Variants in C13orf42 observed in about 807,000 individuals in gnomAD.
C13orf42 encodes uncharacterized protein C13orf42.
intron 1 of C13orf42, chr13:51,172,137 G>C (rs929690679): frequency 6.6e-6 from 1 of 152,168 alleles, no homozygotes; most frequent in Non-Finnish European, 1.5e-5. Flanking sequence ...ACAGGAGCTT[G>C]CTACACGTGC....
intron 1 of C13orf42, among the ~76,000 whole-genome samples, chr13:51,163,609 A>G (rs1953883205): frequency 6.6e-6 from 1 of 152,082 alleles, no homozygotes; most frequent in African/African-American, 2.4e-5. Context: ...CCTTTAACCC[A>G]CAATAAAGGG....
chr13:51,120,248 T>C (rs536877407), intron 1 of C13orf42, among the ~76,000 whole-genome samples: 1 of 152,326 alleles, frequency 6.6e-6, no homozygotes, highest in South Asian at 2.1e-4. Flanking sequence ...CTATCAGGTA[T>C]GATTATTGTC....
rs995003500 is a variant in C13orf42 at position 51,097,741 on chromosome 13, A to C, written c.415-9666T>G. Among the ~76,000 whole-genome samples the C allele has an allele frequency of 5.3e-5, 8 of 150,864 alleles. No homozygotes were observed. In the South Asian group the frequency reaches 1.7e-3, roughly 32 times the overall value. On this transcript the variant is annotated intron_variant, in intron 1 of 3. Coordinates refer to ENST00000563710, the MANE Select transcript of C13orf42 (RefSeq NM_001351589.3). Reference sequence around the variant, plus strand: ...AGCAAAAGTGGATTGCTTCCCTCCCAATCTTGATTTTTTTTTTTTTCCTAG... The same window carrying C: ...AGCAAAAGTGGATTGCTTCCCTCCCCATCTTGATTTTTTTTTTTTTCCTAG...
chr13:51,115,820 G>A (rs1393509276), upstream of C13orf42, among the ~76,000 whole-genome samples: 2 of 152,258 alleles, frequency 1.3e-5, no homozygotes, highest in African/African-American at 4.8e-5. Context: ...CATTTGCACA[G>A]TGTATTGGAA....
chr13:51,100,568 G>T (rs551993847), intron 1 of C13orf42, among the ~76,000 whole-genome samples: 3 of 152,154 alleles, frequency 2.0e-5, no homozygotes, highest in Middle Eastern at 3.4e-3. Context: ...ATTCTTCAAT[G>T]ACCCTTTGCA....
In C13orf42 at chr13:51,103,091, C is replaced by T. The variant is rs77456658; in HGVS notation, c.414+7705G>A. ...AAGTAACCCCGCCTGAGAAAATGTCCAATGTGAACCATCTGGACTGTGTGG... is the reference window on the plus strand; with the variant it reads ...AAGTAACCCCGCCTGAGAAAATGTCTAATGTGAACCATCTGGACTGTGTGG... On this transcript the variant is annotated intron_variant, in intron 1 of 3. Transcript: ENST00000563710. Among the ~76,000 whole-genome samples, 724 of 152,274 alleles carry T rather than the reference C, an allele frequency of 4.8e-3. 6 individuals are homozygous for T. The highest frequency in any genetic ancestry group is 0.016 in the African/African-American group (664 of 41,542).
rs901929738 is a variant in C13orf42 at position 51,140,664 on chromosome 13, A to T, written n.137-27442T>A. 2.0e-5 allele frequency among the ~76,000 whole-genome samples: 3 copies of T among 152,042 alleles called. No individual in the cohort carries two copies. In the East Asian group the frequency reaches 5.8e-4, roughly 29 times the overall value. ...TTTTGCTGTAAAACTCCTCATTATT[A>T]TTATTATTTTGGAGTTTTACTTGCT... On this transcript the variant is annotated intron_variant and non_coding_transcript_variant, in intron 1 of 4. Coordinates refer to the C13orf42 transcript ENST00000433280.
At chr13:51,150,187 G>T (rs1467664401) in intron 1 of C13orf42, among the ~76,000 whole-genome samples, 2 of 152,220 alleles carry the variant, frequency 1.3e-5, no homozygotes. Context: ...ATTTACTGTG[G>T]TGTCGTTTGT....
chr13:51,113,528 C>T (rs954747506), upstream of C13orf42, among the ~76,000 whole-genome samples: 13 of 152,036 alleles, frequency 8.6e-5, no homozygotes, highest in South Asian at 2.1e-4. Flanking sequence ...CTATAAGAAA[C>T]GGGTGTGAAA....
At chr13:51,168,498 G>A (rs1953918790) in intron 1 of C13orf42, among the ~76,000 whole-genome samples, 1 of 152,192 alleles carries the variant, frequency 6.6e-6, no homozygotes, top group Admixed American at 6.5e-5. Context: ...CTTCTAAGTT[G>A]CCCCATTAAA....
chr13:51,161,346 G>C (rs1347166580), intron 1 of C13orf42, among the ~76,000 whole-genome samples: 1 of 151,920 alleles, frequency 6.6e-6, no homozygotes, highest in Non-Finnish European at 1.5e-5. Context: ...CTTATATGAA[G>C]CATGTCTTTT....
upstream of C13orf42, among the ~76,000 whole-genome samples, chr13:51,115,157 T>C (rs1953477774): frequency 6.6e-6 from 1 of 152,238 alleles, no homozygotes; most frequent in Non-Finnish European, 1.5e-5. Flanking sequence ...TGCCAAGCTA[T>C]TATTCCAGGT....
rs187686083 is a variant in C13orf42, at chr13:51,160,662, C to T, written n.136+11591G>A. On this transcript the variant is annotated intron_variant and non_coding_transcript_variant, in intron 1 of 4. Transcript: ENST00000433280. ...AGGCACTAGAAAGTAGACAATTTCT[C>T]AGTGGTACGAGAAGAGCATCCCTCA... Among the ~76,000 whole-genome samples the T allele has an allele frequency of 1.7e-3, 252 of 152,194 alleles. 1 individual carries two copies. The highest frequency in any genetic ancestry group is 3.6e-3 in the Admixed American group (55 of 15,292).
At chr13:51,157,683 C>T (rs954625918) in intron 1 of C13orf42, among the ~76,000 whole-genome samples, 13 of 152,160 alleles carry the variant, frequency 8.5e-5, no homozygotes, top group African/African-American at 3.1e-4. Flanking sequence ...CACCCCTACA[C>T]ACGCTTGTAC....
chr13:51,130,458 A>G (rs1444735362), intron 1 of C13orf42, among the ~76,000 whole-genome samples: 1 of 152,224 alleles, frequency 6.6e-6, no homozygotes, highest in African/African-American at 2.4e-5. Context: ...GTTTAAAAAG[A>G]GGGATGTTTA....
chr13:51,083,938 A>G lies in C13orf42; in HGVS notation c.*213T>C. 1 of 370,482 alleles carries G rather than the reference A, an allele frequency of 2.7e-6. No individual in the cohort carries two copies. Among genetic ancestry groups the G allele is most frequent in the Non-Finnish European group, 4.8e-6 (1 of 208,584 alleles). The allele number at this position is 370,482 out of a possible 1,614,324, so 22.9% of individuals were successfully genotyped here. On this transcript the variant is annotated 3_prime_UTR_variant, in exon 4 of 4. Coordinates refer to ENST00000563710, the MANE Select transcript of C13orf42 (RefSeq NM_001351589.3). The stretch of plus-strand genomic sequence containing the variant: ...TAAGTCCCTGGTCATCAGCCCACGC[A>G]GAGAAACTCAAGCTCTGAGAGTGTC...
intron 1 of C13orf42, among the ~76,000 whole-genome samples, chr13:51,141,879 T>C (rs1449505221): frequency 3.9e-5 from 6 of 152,184 alleles, no homozygotes; most frequent in Admixed American, 6.5e-5. Context: ...TTAAGTAAAA[T>C]CTTTAATAAA....
At chr13:51,123,494 G>A (rs1016108636) in intron 1 of C13orf42, among the ~76,000 whole-genome samples, 7 of 152,182 alleles carry the variant, frequency 4.6e-5, no homozygotes, top group Non-Finnish European at 2.9e-5. Flanking sequence ...TTTCAAAGCA[G>A]GTGGGGAAAT....
intron 1 of C13orf42, among the ~76,000 whole-genome samples, chr13:51,170,596 C>G (rs1479161794): frequency 6.6e-6 from 1 of 152,142 alleles, no homozygotes; most frequent in East Asian, 1.9e-4. Context: ...CTGGTAGAGA[C>G]AAAAGAGACA....
Sources: allele counts gnomAD v4.1 joint callset (sites outside exome capture counted in the v4.1 genomes callset), GRCh38; gene constraint gnomAD v4.1.1; transcripts MANE v1.5; gene names NCBI Gene and HGNC (gene_info 2026-07-23, HGNC 2026-07-21).